The following BCKDHB variants were observed in gnomAD, a reference collection of about 807,000 sequenced individuals.
BCKDHB encodes the protein 2-oxoisovalerate dehydrogenase subunit beta, mitochondrial.
Under a neutral mutation model 48.5 loss-of-function variants are expected in BCKDHB, and 41 were observed. That is an observed-to-expected ratio of 0.85 (90% CI 0.66 to 1.10). The LOEUF is 1.10. Ranked by LOEUF, BCKDHB falls within the 50% of genes least tolerant of loss-of-function variation. The pLI is 0.00. For synonymous variants in BCKDHB, 201 were observed against 174.8 expected (o/e 1.15, Z -1.18); for missense variants, 496 against 494.2 (o/e 1.00, Z -0.03).
intron 8 of BCKDHB, among the ~76,000 whole-genome samples, chr6:80,267,321 T>C (rs1777554662): frequency 6.6e-6 from 1 of 152,126 alleles, no homozygotes; most frequent in African/African-American, 2.4e-5. Flanking sequence ...AACCTGGTTT[T>C]AGGTTTCATA....
chr6:80,456,509 T>C, the BCKDHB span, among the ~76,000 whole-genome samples: 1 of 152,158 alleles, frequency 6.6e-6, no homozygotes, highest in Non-Finnish European at 1.5e-5. Context: ...CTTACAAAGG[T>C]GTAAAGCATG....
intron 3 of BCKDHB, among the ~76,000 whole-genome samples, chr6:80,157,589 C>G (rs992046571): frequency 1.3e-5 from 2 of 150,948 alleles, no homozygotes; most frequent in Non-Finnish European, 2.9e-5. Context: ...CCTCAGCCTC[C>G]GAAGTAGCTG....
the BCKDHB span, among the ~76,000 whole-genome samples, chr6:80,375,429 G>T: frequency 2.0e-5 from 3 of 152,128 alleles, no homozygotes; most frequent in African/African-American, 4.8e-5. Flanking sequence ...TCTTCTACTT[G>T]TTCGATGCTA....
At chr6:80,180,570 C>G (rs563411764) in intron 6 of BCKDHB, among the ~76,000 whole-genome samples, 1 of 152,274 alleles carries the variant, frequency 6.6e-6, no homozygotes, top group East Asian at 1.9e-4. Flanking sequence ...TCAAGACAGA[C>G]TAAAAGACTA....
intron 1 of BCKDHB, among the ~76,000 whole-genome samples, chr6:80,112,859 C>T (rs372540474): frequency 2.0e-5 from 3 of 152,160 alleles, no homozygotes; most frequent in Admixed American, 2.0e-4. Flanking sequence ...GAGGTGATGG[C>T]GTACTATGAA....
intron 9 of BCKDHB, among the ~76,000 whole-genome samples, chr6:80,277,570 T>A (rs1778016270): frequency 6.6e-6 from 1 of 151,984 alleles, no homozygotes; most frequent in African/African-American, 2.4e-5. Context: ...TAATTTTTTT[T>A]AAAGTTATTG....
the BCKDHB span, among the ~76,000 whole-genome samples, chr6:80,451,249 A>G: frequency 6.6e-6 from 1 of 150,626 alleles, no homozygotes; most frequent in Non-Finnish European, 1.5e-5. Context: ...TAAAGCATAT[A>G]AAAAGTGGTG....
At chr6:80,341,030 G>T (rs536284068) in intron 9 of BCKDHB, among the ~76,000 whole-genome samples, 1 of 152,238 alleles carries the variant, frequency 6.6e-6, no homozygotes, top group Non-Finnish European at 1.5e-5. Context: ...AATAACTTAA[G>T]GCTCTTTAAT....
At chr6:80,210,965 G>T (rs1238255628) in intron 8 of BCKDHB, among the ~76,000 whole-genome samples, 1 of 152,140 alleles carries the variant, frequency 6.6e-6, no homozygotes, top group African/African-American at 2.4e-5. Context: ...CTGTTGAGGT[G>T]CTGTCAAGCT....
chr6:80,396,363 C>G, the BCKDHB span, among the ~76,000 whole-genome samples: 1 of 152,208 alleles, frequency 6.6e-6, no homozygotes, highest in Admixed American at 6.5e-5. Flanking sequence ...TGGAAAGTAA[C>G]TAACTTGCTT....
At chr6:80,258,927 C>G (rs1777173207) in intron 8 of BCKDHB, among the ~76,000 whole-genome samples, 1 of 152,122 alleles carries the variant, frequency 6.6e-6, no homozygotes, top group Non-Finnish European at 1.5e-5. Context: ...GAATGTAGGT[C>G]TTATGCTTCA....
At chr6:80,192,338 A>G (rs1273628921) in intron 6 of BCKDHB, among the ~76,000 whole-genome samples, 1 of 151,708 alleles carries the variant, frequency 6.6e-6, no homozygotes, top group Admixed American at 6.6e-5. Flanking sequence ...TCGCCCTTTT[A>G]TTCAGTGTTC....
intron 8 of BCKDHB, among the ~76,000 whole-genome samples, chr6:80,234,137 C>T (rs1776048902): frequency 6.6e-6 from 1 of 152,166 alleles, no homozygotes; most frequent in Non-Finnish European, 1.5e-5. Flanking sequence ...CAGTAATGCT[C>T]CCTTGCCTGC....
At chr6:80,348,450 C>T (rs1291055036), downstream of BCKDHB, among the ~76,000 whole-genome samples, 2 of 152,190 alleles carry the variant, frequency 1.3e-5, no homozygotes, top group Non-Finnish European at 1.5e-5. Context: ...TAGAGAACTC[C>T]CTCTCCCCAC....
At chr6:80,401,826 C>T in the BCKDHB span, among the ~76,000 whole-genome samples, 6 of 151,752 alleles carry the variant, frequency 4.0e-5, no homozygotes, top group Admixed American at 2.0e-4. Flanking sequence ...TTATATTATA[C>T]AGTAATTGTT....
the BCKDHB span, among the ~76,000 whole-genome samples, chr6:80,359,349 G>A: frequency 2.0e-5 from 3 of 152,124 alleles, no homozygotes; most frequent in Non-Finnish European, 4.4e-5. Flanking sequence ...TAAAGGCCTT[G>A]GCACAGCCAG....
chr6:80,157,334 G>A (rs565259942), intron 3 of BCKDHB, among the ~76,000 whole-genome samples: 212 of 151,692 alleles, frequency 1.4e-3, no homozygotes, highest in African/African-American at 5.1e-3. Context: ...ATTTTTGACT[G>A]TCATTTCTAT....
intron 6 of BCKDHB, among the ~76,000 whole-genome samples, chr6:80,175,942 G>C (rs1003366683): frequency 2.6e-5 from 4 of 152,144 alleles, no homozygotes; most frequent in African/African-American, 7.2e-5. Context: ...AATAAAGTAG[G>C]GGGGAACAAG....
At position 80,344,842 on chromosome 6, in the gene BCKDHB, A is replaced by T. The variant is rs1002257168; in HGVS notation, c.*1038A>T. Reference sequence around the variant, plus strand: ...AATAGGCGTACTTTCTGTATTTAAAAATGGCCCCTCAAGCACCGTTAATTT... The same window carrying T: ...AATAGGCGTACTTTCTGTATTTAAATATGGCCCCTCAAGCACCGTTAATTT... On this transcript the variant is annotated 3_prime_UTR_variant, in exon 10 of 10. Coordinates refer to ENST00000320393, the MANE Select transcript of BCKDHB (RefSeq NM_183050.4). 6.6e-6 allele frequency: 1 copy of T among 152,186 alleles called. No individual in the cohort carries two copies. The highest frequency in any genetic ancestry group is 2.4e-5 in the African/African-American group (1 of 41,448). The allele number at this position is 152,186 out of a possible 1,614,324, so 9.4% of individuals were successfully genotyped here.
Sources: gnomAD v4.1 joint callset for allele counts (sites outside exome capture counted in the v4.1 genomes callset) on GRCh38, gnomAD v4.1.1 for gene constraint, MANE v1.5 for transcripts, NCBI Gene and HGNC (gene_info 2026-07-23, HGNC 2026-07-21) for gene names.